MSH6: variants seen among roughly 807,000 people sequenced by gnomAD.
MSH6 encodes the protein DNA mismatch repair protein Msh6.
Under a neutral mutation model 119.1 loss-of-function variants are expected in MSH6, and 85 were observed. The ratio of observed to expected loss-of-function variants is 0.71; its 90% CI spans 0.60 to 0.85. The LOEUF is 0.85. Ranked by LOEUF, MSH6 falls within the 40% of genes least tolerant of loss-of-function variation. The pLI is 0.00. For synonymous variants in MSH6, 830 were observed against 586.9 expected (o/e 1.41, Z -5.99); for missense variants, 2,163 against 1,655.3 (o/e 1.31, Z -5.32).
intron 1 of MSH6, among the ~76,000 whole-genome samples, chr2:47,789,085 T>C (rs35232655): frequency 0.013 from 2,002 of 150,844 alleles, 37 homozygotes; most frequent in African/African-American, 0.044. Context: ...GCCACTGCAC[T>C]TGGCTAATTT....
rs1303751317 is a variant in MSH6 at position 47,783,158 on chromosome 2, G to A, written c.-76G>A. On this transcript the variant is annotated 5_prime_UTR_variant, in exon 1 of 10. Coordinates refer to ENST00000234420, the MANE Select transcript of MSH6 (RefSeq NM_000179.3). ...GCGCCTCCCCCCAGATTTCCCGCCA[G>A]CAGGAGCCGCGCGGTAGATGCGGTG... is the stretch of plus-strand genomic sequence containing the variant. The A allele has an allele frequency of 1.3e-6, 2 of 1,586,862 alleles. No homozygotes were observed. The highest frequency in any genetic ancestry group is 1.7e-6 in the Non-Finnish European group (2 of 1,166,712).
chr2:47,803,574 T>C lies in MSH6; in HGVS notation c.3327T>C (p.Ile1109=), dbSNP rs878853733. Residue 1109 remains isoleucine, a synonymous_variant, in exon 5 of 10, where the codon ATT becomes ATC. Coordinates refer to ENST00000234420, the MANE Select transcript of MSH6 (RefSeq NM_000179.3). ...AGACTTTTTTTGGAGATGATTTTAT[T>C]CCTAATGACATTCTAATAGGCTGTG... The part of the protein sequence containing the change: ...ITKTFFGDDF[I]PNDILIGCEE... The C allele has an allele frequency of 6.2e-7, 1 of 1,614,180 alleles. No homozygotes were observed. The highest frequency in any genetic ancestry group is 8.5e-7 in the Non-Finnish European group (1 of 1,180,038).
At position 47,793,318 on chromosome 2, in the gene MSH6, C is replaced by CAAAA. The variant is rs34250836; in HGVS notation, c.457+2221_457+2224dup. Among the ~76,000 whole-genome samples, 62 of 48,808 alleles carry CAAAA rather than the reference C, an allele frequency of 1.3e-3. 6 individuals are homozygous for CAAAA. Among genetic ancestry groups the CAAAA allele is most frequent in the African/African-American group, 4.4e-3 (52 of 11,748 alleles). 32.0% of individuals were successfully genotyped at this position (48,808 alleles called of 152,430 possible). A position where few individuals can be genotyped will look rare whatever the true frequency, so the allele number is the denominator to read the frequency against. ...CCTGGGTGACAGAGCGAGACTGTCTCAAAAAAAAAAAAAAAAAAAAAAAAA... is the reference window on the plus strand; with the variant it reads ...CCTGGGTGACAGAGCGAGACTGTCTCAAAAAAAAAAAAAAAAAAAAAAAAAAAAA... On this transcript the variant is annotated intron_variant, in intron 2 of 9. Coordinates refer to ENST00000234420, the MANE Select transcript of MSH6 (RefSeq NM_000179.3).
downstream of MSH6, chr2:47,808,091 GC>G: frequency 6.3e-7 from 1 of 1,579,706 alleles, no homozygotes; most frequent in Admixed American, 1.8e-5. Context: ...TGTTACAATG[GC>G]AGGACTTTTT....
chr2:47,806,743 CAAA>C, intron 9 of MSH6, 33 bp from the exon 10 acceptor site: 1 of 1,389,274 alleles, frequency 7.2e-7, no homozygotes, highest in Non-Finnish European at 9.8e-7. Flanking sequence ...TATGAAAAAA[CAAA>C]AAAACTTTTT....
At chr2:47,791,869 G>A (rs1038414208) in intron 2 of MSH6, among the ~76,000 whole-genome samples, 2 of 150,030 alleles carry the variant, frequency 1.3e-5, no homozygotes, top group Admixed American at 6.6e-5. Flanking sequence ...TTTTTGAGAC[G>A]GAGTTTTGCT....
chr2:47,803,546 C>G lies in MSH6; in HGVS notation c.3299C>G (p.Thr1100Arg), dbSNP rs63750442. The G allele has an allele frequency of 4.2e-5, 68 of 1,614,098 alleles. No homozygotes were observed. The highest frequency in any genetic ancestry group is 4.2e-6 in the Non-Finnish European group (5 of 1,180,016). The change falls in exon 5 of 10, where the codon ACG becomes AGG. Residue 1100 changes from threonine (T) to arginine (R), a missense_variant. Coordinates refer to ENST00000234420, the MANE Select transcript of MSH6 (RefSeq NM_000179.3). ...ELKGSRHPCI[T>R]KTFFGDDFIP... Reference sequence around the variant, plus strand: ...AAAGGATCACGCCATCCTTGCATTACGAAGACTTTTTTTGGAGATGATTTT... The same window carrying G: ...AAAGGATCACGCCATCCTTGCATTAGGAAGACTTTTTTTGGAGATGATTTT...
chr2:47,795,370 A>C (rs569974036), intron 2 of MSH6, among the ~76,000 whole-genome samples: 5 of 151,508 alleles, frequency 3.3e-5, no homozygotes, highest in Admixed American at 2.6e-4. Flanking sequence ...ATTCTTGTTC[A>C]TTAGGGCAAA....
downstream of MSH6, chr2:47,808,387 C>T: frequency 6.2e-7 from 1 of 1,608,986 alleles, no homozygotes; most frequent in African/African-American, 1.3e-5. Flanking sequence ...ATGCAGTTCA[C>T]ACATATGGCA....
chr2:47,802,625 G>T (rs369565553), intron 4 of MSH6, among the ~76,000 whole-genome samples: 2 of 147,928 alleles, frequency 1.4e-5, no homozygotes, highest in Non-Finnish European at 3.0e-5. Flanking sequence ...GAGCCACTGC[G>T]CCCAGCCCTG....
intron 2 of MSH6, 31 bp downstream of exon 2, chr2:47,791,154 TTGTGTGTGTG>T (rs397839804): frequency 6.1e-6 from 8 of 1,317,886 alleles, no homozygotes; most frequent in East Asian, 2.4e-5. Flanking sequence ...GTGTGTGTGT[TTGTGTGTGTG>T]TGTGTGTGTG....
chr2:47,806,591 A>G lies in MSH6; in HGVS notation c.3941A>G (p.Gln1314Arg), dbSNP rs2104563387. The G allele has an allele frequency of 6.2e-7, 1 of 1,613,586 alleles. No homozygotes were observed. Among genetic ancestry groups the G allele is most frequent in the Non-Finnish European group, 8.5e-7 (1 of 1,179,852 alleles). The part of the protein sequence containing the change: ...RLANLPEEVI[Q>R]KGHRKAREFE... ...GCTAATCTCCCAGAGGAAGTTATTC[A>G]AAAGGGACATAGAAAAGCAAGAGAA... Residue 1314 changes from glutamine to arginine, a missense_variant, in exon 9 of 10, where the codon CAA becomes CGA. Transcript: ENST00000234420.
downstream of MSH6, chr2:47,807,031 TCCA>T: frequency 3.2e-6 from 2 of 631,586 alleles, no homozygotes; most frequent in South Asian, 1.9e-5. Context: ...TATTGAATAC[TCCA>T]CAATATATTA....
At chr2:47,784,099 G>A (rs554662266) in intron 1 of MSH6, 6 of 1,006,388 alleles carry the variant, frequency 6.0e-6, no homozygotes, top group Non-Finnish European at 7.1e-6. Context: ...GTGGGCCTTC[G>A]GCCTAGGTGA....
intron 2 of MSH6, among the ~76,000 whole-genome samples, chr2:47,794,116 G>A (rs1668926033): frequency 1.3e-5 from 2 of 151,344 alleles, no homozygotes; most frequent in South Asian, 2.1e-4. Context: ...TAAGGTAGGT[G>A]GATCACCTGA....
intron 2 of MSH6, among the ~76,000 whole-genome samples, chr2:47,793,012 G>T (rs1188328866): frequency 6.6e-6 from 1 of 151,748 alleles, no homozygotes; most frequent in African/African-American, 2.4e-5. Flanking sequence ...CTTATATTTA[G>T]AATGAATCTC....
At position 47,806,476 on chromosome 2, in the gene MSH6, G is replaced by A. The variant is rs2104552999; in HGVS notation, c.3826G>A (p.Glu1276Lys). Reference sequence around the variant, plus strand: ...GGCATGCATGGTAGAAAATGAATGTGAAGACCCCAGCCAGGAGACTATTAC... The same window carrying A: ...GGCATGCATGGTAGAAAATGAATGTAAAGACCCCAGCCAGGAGACTATTAC... ...HMACMVENEC[E>K]DPSQETITFL... The change falls in exon 9 of 10, where the codon GAA becomes AAA. Residue 1276 changes from glutamate to lysine, a missense_variant. Physicochemically the swap from Glu to Lys is moderately conservative, Grantham distance 56. Transcript: ENST00000234420. 1 of 1,614,066 alleles carries A rather than the reference G, an allele frequency of 6.2e-7. No individual in the cohort carries two copies. The highest frequency in any genetic ancestry group is 8.5e-7 in the Non-Finnish European group (1 of 1,179,982).
chr2:47,788,903 C>T (rs111584908), intron 1 of MSH6, among the ~76,000 whole-genome samples: 686 of 7,142 alleles, frequency 0.096, 12 homozygotes, highest in Non-Finnish European at 0.11. Context: ...TTTCTTTCTT[C>T]TTCCTTTTTT....
Position 47,791,486 on chromosome 2 carries a change from C to T in MSH6, c.457+363C>T, listed in dbSNP as rs1005807070. On this transcript the variant is annotated intron_variant, in intron 2 of 9. Transcript: ENST00000234420. ...CATTCTCTAGGGAAAGATGGAGATGCGCACTACCTGGCCTTCAAACTACTC... is the reference window on the plus strand; with the variant it reads ...CATTCTCTAGGGAAAGATGGAGATGTGCACTACCTGGCCTTCAAACTACTC... 3.3e-5 allele frequency among the ~76,000 whole-genome samples: 5 copies of T among 151,990 alleles called. No individual in the cohort carries two copies. In the East Asian group the frequency reaches 5.8e-4, roughly 18 times the overall value.
Sources: allele counts gnomAD v4.1 joint callset (sites outside exome capture counted in the v4.1 genomes callset), GRCh38; gene constraint gnomAD v4.1.1; transcripts MANE v1.5; gene names NCBI Gene and HGNC (gene_info 2026-07-23, HGNC 2026-07-21).